The following AIG1 variants were observed in gnomAD, a reference collection of about 807,000 sequenced individuals.
AIG1 encodes the protein androgen induced 1.
Under a neutral mutation model 31.4 loss-of-function variants are expected in AIG1, and 23 were observed. The observed-to-expected ratio is 0.73, with a 90% CI of 0.53 to 1.04. The LOEUF is 1.04. Among genes scored for constraint, AIG1 ranks in the 50% least tolerant of loss-of-function variants. The probability of loss-of-function intolerance (pLI) is 0.00; values close to 1 mark genes in which losing one functional copy is unlikely to be tolerated. For missense variants in AIG1, 274 were observed against 295.0 expected (o/e 0.93, Z 0.52); for synonymous variants, 100 against 110.5 (o/e 0.90, Z 0.60).
At chr6:143,310,412 G>T (rs1435211844) in intron 4 of AIG1, among the ~76,000 whole-genome samples, 1 of 151,800 alleles carries the variant, frequency 6.6e-6, no homozygotes, top group African/African-American at 2.4e-5. Context: ...CAAATAAGAA[G>T]TGGCAAGAGA....
intron 3 of AIG1, among the ~76,000 whole-genome samples, chr6:143,252,763 T>C (rs1795100117): frequency 6.6e-6 from 1 of 152,218 alleles, no homozygotes; most frequent in Non-Finnish European, 1.5e-5. Context: ...TAGATCAGGA[T>C]TTCAGACAGG....
intron 1 of AIG1, among the ~76,000 whole-genome samples, chr6:143,093,812 A>T (rs1779517776): frequency 6.6e-6 from 1 of 152,148 alleles, no homozygotes; most frequent in Non-Finnish European, 1.5e-5. Context: ...AAGGAGAAAA[A>T]TGGGGGAATA....
At position 143,334,141 on chromosome 6, in the gene AIG1, G is replaced by T. The variant is rs1444525354; in HGVS notation, c.679+696G>T. Reference sequence around the variant, plus strand: ...TGTGCAAAACCTGTCCAAAGTGTATGTACAATAACATAAAAATTGAAAGGT... The same window carrying T: ...TGTGCAAAACCTGTCCAAAGTGTATTTACAATAACATAAAAATTGAAAGGT... On this transcript the variant is annotated intron_variant, in intron 5 of 5. Coordinates refer to ENST00000357847, the MANE Select transcript of AIG1 (RefSeq NM_016108.4). The surrounding 1 kb of genome is among the most constrained non-coding windows in gnomAD (Gnocchi z 5.1). The T allele has an allele frequency of 6.5e-7, 1 of 1,534,832 alleles. No individual in the cohort carries two copies. Among genetic ancestry groups the T allele is most frequent in the East Asian group, 2.5e-5 (1 of 40,704 alleles).
chr6:143,181,968 G>A (rs568760221), intron 3 of AIG1, among the ~76,000 whole-genome samples: 4 of 152,030 alleles, frequency 2.6e-5, no homozygotes, highest in African/African-American at 9.6e-5. Flanking sequence ...GCTACTTAAG[G>A]TTTAGGGATT....
At chr6:143,313,101 T>C (rs1464061876) in intron 4 of AIG1, among the ~76,000 whole-genome samples, 1 of 152,146 alleles carries the variant, frequency 6.6e-6, no homozygotes, top group African/African-American at 2.4e-5. Context: ...TGTCCACTGT[T>C]GGTCGGAATG....
chr6:143,205,231 C>T (rs1369986257), intron 3 of AIG1, among the ~76,000 whole-genome samples: 1 of 152,150 alleles, frequency 6.6e-6, no homozygotes, highest in Non-Finnish European at 1.5e-5. Flanking sequence ...TGAACTAAGG[C>T]TGGAGTAGCA....
At chr6:143,267,235 G>A (rs1355900361) in intron 3 of AIG1, among the ~76,000 whole-genome samples, 5 of 152,308 alleles carry the variant, frequency 3.3e-5, no homozygotes, top group Admixed American at 1.3e-4. Flanking sequence ...CTGAAGCCAC[G>A]TTGGAGAAGG....
intron 4 of AIG1, among the ~76,000 whole-genome samples, chr6:143,304,243 C>A (rs1396284345): frequency 1.3e-5 from 2 of 151,366 alleles, no homozygotes; most frequent in African/African-American, 2.4e-5. Flanking sequence ...ATTGCCCTGG[C>A]CAGAACTTCC....
At chr6:143,306,598 G>T (rs1799331119) in intron 4 of AIG1, among the ~76,000 whole-genome samples, 1 of 152,102 alleles carries the variant, frequency 6.6e-6, no homozygotes, top group African/African-American at 2.4e-5. Context: ...TTCCCTTTGT[G>T]GGTAACCCGA....
intron 1 of AIG1, among the ~76,000 whole-genome samples, chr6:143,089,249 A>G (rs1361575210): frequency 6.6e-6 from 1 of 151,984 alleles, no homozygotes; most frequent in African/African-American, 2.4e-5. Flanking sequence ...AAAATATACT[A>G]CCAATTTATT....
intron 4 of AIG1, among the ~76,000 whole-genome samples, chr6:143,286,874 A>G (rs1479248115): frequency 6.6e-6 from 1 of 151,276 alleles, no homozygotes; most frequent in Admixed American, 6.6e-5. Context: ...AGGTTTGGGT[A>G]GTGAGAGTAG....
chr6:143,335,045 T>C, intron 5 of AIG1: 1 of 1,406,392 alleles, frequency 7.1e-7, no homozygotes, highest in Non-Finnish European at 9.4e-7. Context: ...TAAAAATTCA[T>C]TTTAGATATG....
intron 5 of AIG1, among the ~76,000 whole-genome samples, chr6:143,337,439 A>G (rs1885650): frequency 0.17 from 25,204 of 151,232 alleles, 2,306 homozygotes; most frequent in South Asian, 0.34. Flanking sequence ...TTCTCTCCCA[A>G]TCTGAGGTAC....
rs1798475454 is a variant in AIG1 at position 143,297,079 on chromosome 6, A to G, written c.515+12854A>G. ...AAAAAGCAATAGTCATCCAGTTGAT[A>G]ACTGCTATTTGCAAGAGGAAAATAG... On this transcript the variant is annotated intron_variant, in intron 4 of 5. Coordinates refer to ENST00000357847, the MANE Select transcript of AIG1 (RefSeq NM_016108.4). This position sits in a 1 kb window ranked among gnomAD's most constrained non-coding sequence, Gnocchi z 5.1. Among the ~76,000 whole-genome samples the G allele has an allele frequency of 6.7e-6, 1 of 148,856 alleles. No homozygotes were observed. Among genetic ancestry groups the G allele is most frequent in the Non-Finnish European group, 1.5e-5 (1 of 67,444 alleles).
chr6:143,227,291 G>A (rs1045436669), intron 3 of AIG1, among the ~76,000 whole-genome samples: 1 of 152,132 alleles, frequency 6.6e-6, no homozygotes, highest in African/African-American at 2.4e-5. Flanking sequence ...AAAGTGTTGA[G>A]AATGGGATTG....
chr6:143,129,307 GAAAA>G (rs1783002228), intron 1 of AIG1, among the ~76,000 whole-genome samples: 1 of 151,812 alleles, frequency 6.6e-6, no homozygotes, highest in Non-Finnish European at 1.5e-5. Flanking sequence ...AATAAAAAAA[GAAAA>G]AAGAAAATAG....
At chr6:143,186,398 G>T (rs1414403133) in intron 3 of AIG1, among the ~76,000 whole-genome samples, 1 of 152,156 alleles carries the variant, frequency 6.6e-6, no homozygotes, top group East Asian at 1.9e-4. Flanking sequence ...TCAGATATGT[G>T]TAAACCTGGG....
chr6:143,325,996 T>C lies in AIG1; in HGVS notation c.516-7286T>C, dbSNP rs991434450. Among the ~76,000 whole-genome samples, 1 of 152,096 alleles carries C rather than the reference T, an allele frequency of 6.6e-6. No homozygotes were observed. The highest frequency in any genetic ancestry group is 6.6e-5 in the Admixed American group (1 of 15,262). On this transcript the variant is annotated intron_variant, in intron 4 of 5. Transcript: ENST00000357847. This position sits in a 1 kb window ranked among gnomAD's most constrained non-coding sequence, Gnocchi z 4.3. ...ACCACCTAAAGATTTAACAACCAGC[T>C]CTCATGACAATCTCCAGCACGCCAC...
At position 143,281,689 on chromosome 6, in the gene AIG1, ATGTT is replaced by A. The variant is rs139496340; in HGVS notation, c.400-2416_400-2413del. 2.3e-4 allele frequency among the ~76,000 whole-genome samples: 35 copies of A among 152,348 alleles called. 1 individual carries two copies. In the East Asian group the frequency reaches 6.2e-3, roughly 27 times the overall value. ...TGCAGTAGGTATTTTCTGCTAATTT[ATGTT>A]TGTTAATACGTACTATGTATAAATA... is the stretch of plus-strand genomic sequence containing the variant. On this transcript the variant is annotated intron_variant, in intron 3 of 5. Coordinates refer to ENST00000357847, the MANE Select transcript of AIG1 (RefSeq NM_016108.4).
Sources: gnomAD v4.1 joint callset for allele counts (sites outside exome capture counted in the v4.1 genomes callset) on GRCh38, gnomAD v4.1.1 for gene constraint, Gnocchi (gnomAD v3.1) non-coding constraint, MANE v1.5 for transcripts, NCBI Gene and HGNC (gene_info 2026-07-23, HGNC 2026-07-21) for gene names.